Variants in CEP112 observed in about 807,000 individuals in gnomAD.
The protein encoded by CEP112 is centrosomal protein 112.
In CEP112, 127 loss-of-function variants were observed where a neutral mutation model predicts 153.0. That is an observed-to-expected ratio of 0.83 (90% CI 0.72 to 0.96). The LOEUF is 0.96. Among genes scored for constraint, CEP112 ranks in the 40% least tolerant of loss-of-function variants. The pLI, the probability that CEP112 is intolerant of heterozygous loss-of-function variation, is 0.00. For missense variants in CEP112, 1,089 were observed against 1,101.2 expected, an observed-to-expected ratio of 0.99 and a Z score of 0.16; for synonymous variants, 358 against 374.4, an observed-to-expected ratio of 0.96 and a Z score of 0.51.
At chr17:66,142,530 G>A (rs1042649015) in intron 4 of CEP112, among the ~76,000 whole-genome samples, 1 of 151,938 alleles carries the variant, frequency 6.6e-6, no homozygotes, top group African/African-American at 2.4e-5. Context: ...TTTTGTGTAT[G>A]GTGCAAGATA....
chr17:65,961,429 A>G lies in CEP112; in HGVS notation c.1872+34T>C, dbSNP rs765345710. 5.2e-6 allele frequency: 8 copies of G among 1,549,440 alleles called. No individual in the cohort carries two copies. The East Asian group carries it at 1.8e-4, about 36-fold the overall frequency. ...AATGTACCTTCCTACTGAGAGAGTG[A>G]CTTTCAAAAGGGATGGTGTGGCAGC... On this transcript the variant is annotated intron_variant, in intron 18 of 26. Transcript: ENST00000535342.
At chr17:65,719,944 C>G (rs1008820146) in intron 23 of CEP112, among the ~76,000 whole-genome samples, 2 of 152,098 alleles carry the variant, frequency 1.3e-5, no homozygotes, top group Admixed American at 1.3e-4. Flanking sequence ...AGGGGACAAG[C>G]CTGGGGGCGG....
At chr17:66,161,153 G>C (rs1271716148) in intron 4 of CEP112, among the ~76,000 whole-genome samples, 1 of 152,172 alleles carries the variant, frequency 6.6e-6, no homozygotes, top group Non-Finnish European at 1.5e-5. Context: ...ACACCAGTTA[G>C]AATGGCAATC....
chr17:66,003,855 A>C (rs2064157867), intron 17 of CEP112, among the ~76,000 whole-genome samples: 1 of 152,148 alleles, frequency 6.6e-6, no homozygotes, highest in South Asian at 2.1e-4. Flanking sequence ...TGATGATCTG[A>C]GGTGGAACAG....
chr17:66,185,345 C>T (rs1162417651), intron 1 of CEP112, among the ~76,000 whole-genome samples: 1 of 152,114 alleles, frequency 6.6e-6, no homozygotes, highest in Non-Finnish European at 1.5e-5. Flanking sequence ...GCCTCAGACT[C>T]CTGAGTAGCT....
chr17:66,084,889 C>T (rs965820532), intron 8 of CEP112, among the ~76,000 whole-genome samples: 18 of 152,080 alleles, frequency 1.2e-4, no homozygotes, highest in Non-Finnish European at 1.9e-4. Flanking sequence ...GATTATTATG[C>T]ATTGCAGGCC....
At chr17:65,729,107 A>G (rs2050348089) in intron 23 of CEP112, among the ~76,000 whole-genome samples, 1 of 152,144 alleles carries the variant, frequency 6.6e-6, no homozygotes, top group South Asian at 2.1e-4. Flanking sequence ...ATAATTGTAC[A>G]TATTCCGTTT....
intron 23 of CEP112, among the ~76,000 whole-genome samples, chr17:65,701,835 C>T (rs189979795): frequency 2.0e-5 from 3 of 152,088 alleles, no homozygotes; most frequent in African/African-American, 7.2e-5. Flanking sequence ...ATTTGTAAGC[C>T]CTACTCTCTC....
At chr17:66,093,602 T>C (rs2068226770) in intron 8 of CEP112, among the ~76,000 whole-genome samples, 1 of 150,478 alleles carries the variant, frequency 6.6e-6, no homozygotes, top group Non-Finnish European at 1.5e-5. Context: ...AAAAACCACT[T>C]AGAAATAAAT....
At chr17:65,736,628 C>T (rs1195137505) in intron 23 of CEP112, among the ~76,000 whole-genome samples, 5 of 151,996 alleles carry the variant, frequency 3.3e-5, no homozygotes, top group East Asian at 1.9e-4. Context: ...AGAGGGGTTC[C>T]GAAAGGTAGA....
At chr17:65,831,344 T>C (rs888277551) in intron 21 of CEP112, among the ~76,000 whole-genome samples, 1 of 151,910 alleles carries the variant, frequency 6.6e-6, no homozygotes, top group Non-Finnish European at 1.5e-5. Context: ...GATCACGAGG[T>C]CAGGACATCA....
At position 65,877,987 on chromosome 17, in the gene CEP112, A is replaced by C. The variant is rs181051405; in HGVS notation, c.2163+24165T>G. Among the ~76,000 whole-genome samples, 132 of 152,354 alleles carry C rather than the reference A, an allele frequency of 8.7e-4. 1 individual carries two copies. Among genetic ancestry groups the C allele is most frequent in the African/African-American group, 2.8e-3 (116 of 41,584 alleles). ...GCCACTTATATGTGGACTCTAAAAT[A>C]GTAAAACTGATAGAAACAGAGAACA... On this transcript the variant is annotated intron_variant, in intron 20 of 26. Transcript: ENST00000535342.
intron 6 of CEP112, among the ~76,000 whole-genome samples, chr17:66,120,725 A>G (rs2069536852): frequency 6.6e-6 from 1 of 152,010 alleles, no homozygotes; most frequent in Non-Finnish European, 1.5e-5. Flanking sequence ...TTCATTCTTG[A>G]TATTAGCAAA....
intron 17 of CEP112, among the ~76,000 whole-genome samples, chr17:65,971,458 TCA>T (rs748974331): frequency 3.0e-4 from 43 of 141,790 alleles, no homozygotes; most frequent in African/African-American, 6.4e-4. Context: ...TGCATGCATA[TCA>T]CACACATGTA....
intron 21 of CEP112, among the ~76,000 whole-genome samples, chr17:65,833,590 A>G (rs746936594): frequency 2.2e-4 from 34 of 152,196 alleles, no homozygotes; most frequent in Non-Finnish European, 4.4e-4. Context: ...TCAGAAAGCA[A>G]TCCATTCACA....
At chr17:65,774,748 A>G (rs2053580066) in intron 21 of CEP112, among the ~76,000 whole-genome samples, 1 of 152,126 alleles carries the variant, frequency 6.6e-6, no homozygotes, top group Non-Finnish European at 1.5e-5. Flanking sequence ...CTGAGGCCTG[A>G]GGTGATGAAA....
chr17:66,088,657 C>G (rs1195812830), intron 8 of CEP112, among the ~76,000 whole-genome samples: 2 of 152,174 alleles, frequency 1.3e-5, no homozygotes, highest in Admixed American at 1.3e-4. Context: ...GCCACTGGGG[C>G]CCCAATCTCC....
chr17:66,078,261 T>C (rs957341662), intron 8 of CEP112, among the ~76,000 whole-genome samples: 6 of 113,220 alleles, frequency 5.3e-5, no homozygotes, highest in African/African-American at 2.1e-4. Flanking sequence ...TCTTTTCTTT[T>C]TCTTTTTTTT....
intron 6 of CEP112, among the ~76,000 whole-genome samples, chr17:66,117,726 A>T (rs2146426776): frequency 6.6e-6 from 1 of 152,328 alleles, no homozygotes. Flanking sequence ...CAAAGTGAAG[A>T]GACAACCCAC....
Sources: gnomAD v4.1 joint callset for allele counts (sites outside exome capture counted in the v4.1 genomes callset) on GRCh38, gnomAD v4.1.1 for gene constraint, MANE v1.5 for transcripts, NCBI Gene and HGNC (gene_info 2026-07-23, HGNC 2026-07-21) for gene names.